The following TENM1 variants were observed in gnomAD, a reference collection of about 807,000 sequenced individuals.
TENM1 encodes the protein teneurin-1.
A neutral mutation model predicts 174.8 loss-of-function variants in TENM1; 35 were observed. That is an observed-to-expected ratio of 0.20 (90% CI 0.15 to 0.27). The LOEUF (loss-of-function observed/expected upper bound fraction) is 0.27. Among genes scored for constraint, TENM1 ranks in the 10% least tolerant of loss-of-function variants. The pLI is 1.00. For synonymous variants in TENM1, 781 were observed against 798.7 expected (o/e 0.98, Z 0.37); for missense variants, 1,633 against 2,130.1 (o/e 0.77, Z 4.59).
At chrX:124,697,336 G>A (rs1449177272) in intron 5 of TENM1, among the ~76,000 whole-genome samples, 1 of 111,301 alleles carries the variant, frequency 9.0e-6, no homozygotes, top group Non-Finnish European at 1.9e-5. Context: ...GAGAGGAGTA[G>A]GAGCCCCAAG....
chrX:124,507,315 T>TCA (rs1200441700), intron 18 of TENM1, among the ~76,000 whole-genome samples: 1 of 111,188 alleles, frequency 9.0e-6, no homozygotes, highest in Non-Finnish European at 1.9e-5. Flanking sequence ...AGCCATGTGA[T>TCA]CACCTCCCTT....
At chrX:125,176,744 A>T in the TENM1 span, among the ~76,000 whole-genome samples, 22 of 112,082 alleles carry the variant, frequency 2.0e-4, no homozygotes, top group African/African-American at 7.1e-4. Context: ...ATGACTTACA[A>T]AAATGTACTT....
chrX:125,038,043 G>A, the TENM1 span, among the ~76,000 whole-genome samples: 1 of 111,378 alleles, frequency 9.0e-6, no homozygotes, highest in Non-Finnish European at 1.9e-5. Flanking sequence ...GAGCCTCACA[G>A]TCCTGTTTTT....
chrX:124,931,051 G>A (rs189514820), intron 1 of TENM1, among the ~76,000 whole-genome samples: 2 of 111,203 alleles, frequency 1.8e-5, no homozygotes, highest in East Asian at 5.7e-4. Flanking sequence ...TCTTGACTGA[G>A]GACAGACCCC....
the TENM1 span, among the ~76,000 whole-genome samples, chrX:125,091,985 C>CAAA: frequency 7.1e-5 from 1 of 14,176 alleles, no homozygotes; most frequent in Non-Finnish European, 1.3e-4. Flanking sequence ...AACTCTGTCT[C>CAAA]AAAAAAAAAA....
At chrX:124,925,075 C>T (rs1603278343) in intron 1 of TENM1, among the ~76,000 whole-genome samples, 1 of 109,257 alleles carries the variant, frequency 9.2e-6, no homozygotes, top group South Asian at 4.0e-4. Context: ...TTGTTTACTG[C>T]TATAAAATAA....
chrX:124,536,912 CTT>C (rs983603800), intron 15 of TENM1, among the ~76,000 whole-genome samples: 5 of 111,534 alleles, frequency 4.5e-5, no homozygotes, highest in East Asian at 2.8e-4. Flanking sequence ...ATTAACCTCT[CTT>C]GTCACTTCTC....
chrX:124,669,557 T>TA (rs920048183), intron 6 of TENM1, among the ~76,000 whole-genome samples: 35 of 104,531 alleles, frequency 3.3e-4, no homozygotes, highest in East Asian at 1.2e-3. Flanking sequence ...CATATGGCAT[T>TA]AAAAAAAAAA....
chrX:124,478,851 A>C (rs2046788135), intron 22 of TENM1, among the ~76,000 whole-genome samples: 1 of 112,716 alleles, frequency 8.9e-6, no homozygotes, highest in Admixed American at 9.4e-5. Flanking sequence ...CTTTCTTGAG[A>C]AACAAAGAAT....
In TENM1 at chrX:124,481,713, T is replaced by TATATA. The variant is rs67614153; in HGVS notation, c.3949+18_3949+19insTATAT. 7.0e-4 allele frequency: 143 copies of TATATA among 204,580 alleles called. 1 individual carries two copies. The highest frequency in any genetic ancestry group is 1.3e-3 in the African/African-American group (19 of 14,127). The allele number at this position is 204,580 out of a possible 1,213,427, so 16.9% of individuals were successfully genotyped here. On this transcript the variant is annotated intron_variant, in intron 22 of 31. Coordinates refer to ENST00000422452, the Ensembl canonical transcript of TENM1. ...CCCAAGGGTATATATATATATATAT[T>TATATA]TATTTATTTATTTTTTACCTCGAGG...
At chrX:124,398,706 T>C (rs1393629260) in intron 27 of TENM1, among the ~76,000 whole-genome samples, 1 of 111,377 alleles carries the variant, frequency 9.0e-6, no homozygotes, top group East Asian at 2.8e-4. Flanking sequence ...TTACACACAG[T>C]AGGAGTCACC....
the TENM1 span, among the ~76,000 whole-genome samples, chrX:125,124,635 A>G: frequency 8.9e-6 from 1 of 112,568 alleles, no homozygotes; most frequent in African/African-American, 3.2e-5. Flanking sequence ...GTTTTCTGCC[A>G]TCCATGATGC....
intron 3 of TENM1, among the ~76,000 whole-genome samples, chrX:124,747,194 AT>A (rs2053941365): frequency 9.2e-6 from 1 of 108,685 alleles, no homozygotes; most frequent in Non-Finnish European, 1.9e-5. Context: ...ATTAAAAAAA[AT>A]AAAAACGCAA....
At chrX:124,894,183 A>G (rs1370188510) in intron 3 of TENM1, 113 bp downstream of exon 6, 3 of 525,037 alleles carry the variant, frequency 5.7e-6, no homozygotes, top group Non-Finnish European at 9.7e-6. Flanking sequence ...AGGTTCATTG[A>G]GCAGGCTTGT....
At chrX:124,463,877 GGA>G (rs780069672) in intron 22 of TENM1, among the ~76,000 whole-genome samples, 52 of 96,875 alleles carry the variant, frequency 5.4e-4, no homozygotes, top group South Asian at 1.4e-3. Context: ...GTGTGTGTGT[GGA>G]GAGAGAGAGA....
chrX:125,177,422 T>C, the TENM1 span, among the ~76,000 whole-genome samples: 1 of 112,385 alleles, frequency 8.9e-6, no homozygotes, highest in Non-Finnish European at 1.9e-5. Context: ...ACATCTATAC[T>C]ATAGAAAAGA....
intron 3 of TENM1, among the ~76,000 whole-genome samples, chrX:124,853,509 G>GA (rs747315152): frequency 1.8e-5 from 2 of 111,567 alleles, no homozygotes; most frequent in Admixed American, 1.9e-4. Flanking sequence ...TTCTTACTGT[G>GA]AAACATGTGG....
intron 11 of TENM1, among the ~76,000 whole-genome samples, chrX:124,604,694 T>C (rs2050109576): frequency 9.0e-6 from 1 of 110,939 alleles, no homozygotes; most frequent in East Asian, 2.9e-4. Context: ...GTTGGAAATA[T>C]AGTGTAACTA....
At chrX:124,975,755 C>T in the TENM1 span, among the ~76,000 whole-genome samples, 30 of 111,776 alleles carry the variant, frequency 2.7e-4, no homozygotes, top group African/African-American at 8.1e-4. Context: ...GTGACTTAAT[C>T]GCAGAGGTGG....
Sources: allele counts gnomAD v4.1 joint callset (sites outside exome capture counted in the v4.1 genomes callset), GRCh38; gene constraint gnomAD v4.1.1; transcripts MANE v1.5; gene names NCBI Gene and HGNC (gene_info 2026-07-23, HGNC 2026-07-21).